INTS10: variants seen among roughly 807,000 people sequenced by gnomAD.
INTS10 encodes the protein integrator complex subunit 10, also known as chromosome 8 open reading frame 35.
Under a neutral mutation model 94.4 loss-of-function variants are expected in INTS10, and 44 were observed. That is an observed-to-expected ratio of 0.47 (90% CI 0.37 to 0.60). The LOEUF (loss-of-function observed/expected upper bound fraction) is 0.60. Among genes scored for constraint, INTS10 ranks in the 20% least tolerant of loss-of-function variants. INTS10 has a pLI of 0.00. For synonymous variants in INTS10, 341 were observed against 320.7 expected, an observed-to-expected ratio of 1.06 and a Z score of -0.68; for missense variants, 797 against 868.7, an observed-to-expected ratio of 0.92 and a Z score of 1.04.
At chr8:19,822,822 C>T (rs1184372944) in intron 5 of INTS10, among the ~76,000 whole-genome samples, 8 of 151,976 alleles carry the variant, frequency 5.3e-5, no homozygotes, top group South Asian at 2.1e-4. Flanking sequence ...TGGTGGCGCA[C>T]GCCTGTAGTC....
chr8:19,821,050 G>T (rs867949484), intron 4 of INTS10: 1 of 152,304 alleles, frequency 6.6e-6, no homozygotes, highest in African/African-American at 2.4e-5. Context: ...ACTTCCCATA[G>T]CCAGTGAGGT....
intron 16 of INTS10, among the ~76,000 whole-genome samples, chr8:19,850,959 A>C (rs1242282727): frequency 6.6e-6 from 1 of 152,114 alleles, no homozygotes; most frequent in Non-Finnish European, 1.5e-5. Flanking sequence ...AGGACCACGC[A>C]GTCCACTCCC....
chr8:19,822,948 CAAAA>C (rs150654357), intron 5 of INTS10, among the ~76,000 whole-genome samples: 2 of 119,184 alleles, frequency 1.7e-5, no homozygotes, highest in Admixed American at 8.2e-5. Context: ...GACTCTGTCT[CAAAA>C]AAAAAAAAAG....
In INTS10 at chr8:19,818,266, G is replaced by T; in HGVS notation, c.130-9G>T. 6.2e-7 allele frequency: 1 copy of T among 1,613,430 alleles called. No individual in the cohort carries two copies. Among genetic ancestry groups the T allele is most frequent in the African/African-American group, 1.3e-5 (1 of 75,068 alleles). ...GGTGAGTGACCAGGGTGCCTGATGT[G>T]TGTTGCAGTATGAGATGTACACCAT... is the stretch of plus-strand genomic sequence containing the variant. On this transcript the variant is annotated splice_polypyrimidine_tract_variant and intron_variant, in intron 1 of 16. Transcript: ENST00000397977.
At position 19,845,804 on chromosome 8, in the gene INTS10, A is replaced by C. The variant is rs574168596; in HGVS notation, c.1976+7A>C. 6.2e-7 allele frequency: 1 copy of C among 1,602,754 alleles called. No individual in the cohort carries two copies. Among genetic ancestry groups the C allele is most frequent in the Non-Finnish European group, 8.5e-7 (1 of 1,169,688 alleles). ...ATCAAGGAATGCTGATCAAGTAAGC[A>C]TGTTCTCTTTTGCTCTTCCATGCTG... On this transcript the variant is annotated splice_region_variant and intron_variant, in intron 16 of 16. Coordinates refer to ENST00000397977, the MANE Select transcript of INTS10 (RefSeq NM_018142.4).
rs753820814 is a variant in INTS10 at position 19,844,156 on chromosome 8, C to T, written c.1800C>T (p.Gly600=). 3.7e-5 allele frequency: 59 copies of T among 1,613,422 alleles called. No homozygotes were observed. The highest frequency in any genetic ancestry group is 3.3e-4 in the Middle Eastern group (2 of 6,084). ...IVLLQQEWPR[G]ENLFLKAVNK... ...TGCTTCAGCAAGAGTGGCCACGGGG[C>T]GAGAATCTTTTCCTGAAAGCTGTCA... Residue 600 remains glycine, a synonymous_variant, in exon 15 of 17, where the codon GGC becomes GGT. Transcript: ENST00000397977.
chr8:19,824,703 A>G, intron 7 of INTS10, 100 bp from the exon 8 acceptor site: 1 of 733,444 alleles, frequency 1.4e-6, no homozygotes, highest in Non-Finnish European at 2.2e-6. Flanking sequence ...GCCTAGGGCA[A>G]CATTTGGTAC....
At chr8:19,828,511 T>C (rs1358581793) in intron 9 of INTS10, among the ~76,000 whole-genome samples, 1 of 152,230 alleles carries the variant, frequency 6.6e-6, no homozygotes, top group East Asian at 1.9e-4. Flanking sequence ...AAAATCAGTT[T>C]CTTTAAATGT....
rs775294753 is a variant in INTS10 at position 19,819,680 on chromosome 8, A to C, written c.301+4A>C. 22 of 1,593,582 alleles carry C rather than the reference A, an allele frequency of 1.4e-5. No homozygotes were observed. In the South Asian group the frequency reaches 2.1e-4, roughly 15 times the overall value. ...AAACAAACCCAATTTTTAAGAAGTA[A>C]GAATAATGGTGTATAAGTTACCATT... On this transcript the variant is annotated splice_donor_region_variant and intron_variant, in intron 3 of 16. Transcript: ENST00000397977.
At chr8:19,845,667 T>C (rs756638009) in intron 15 of INTS10, 37 bp from the exon 16 acceptor site, 2 of 1,478,888 alleles carry the variant, frequency 1.4e-6, no homozygotes, top group Admixed American at 3.4e-5. Flanking sequence ...AACTAGCACC[T>C]TTTTTTACAT....
chr8:19,845,099 T>C (rs2068465178), intron 15 of INTS10, among the ~76,000 whole-genome samples: 1 of 152,094 alleles, frequency 6.6e-6, no homozygotes, highest in African/African-American at 2.4e-5. Flanking sequence ...GGGACAGATA[T>C]CTTTTGAGAA....
chr8:19,844,056 T>C lies in INTS10; in HGVS notation c.1720-20T>C, dbSNP rs1310355801. ...GTGACTTCCTTTTCCTTCTGTCTTGTATAAATCTTTGTCTTGCAGCTTAGA... is the reference window on the plus strand; with the variant it reads ...GTGACTTCCTTTTCCTTCTGTCTTGCATAAATCTTTGTCTTGCAGCTTAGA... On this transcript the variant is annotated intron_variant, in intron 14 of 16. Transcript: ENST00000397977. The C allele has an allele frequency of 6.4e-7, 1 of 1,570,654 alleles. No individual in the cohort carries two copies. Among genetic ancestry groups the C allele is most frequent in the South Asian group, 1.2e-5 (1 of 85,382 alleles).
At chr8:19,834,298 GT>G (rs1411321749) in intron 12 of INTS10, among the ~76,000 whole-genome samples, 1 of 152,054 alleles carries the variant, frequency 6.6e-6, no homozygotes, top group African/African-American at 2.4e-5. Context: ...ATCCCTAAAT[GT>G]TTTTTAACTT....
At chr8:19,848,934 G>A (rs896591796) in intron 16 of INTS10, 17 of 219,990 alleles carry the variant, frequency 7.7e-5, no homozygotes, top group Admixed American at 4.0e-4. Context: ...CTGGGACCAG[G>A]AACTGAGACG....
At position 19,822,556 on chromosome 8, in the gene INTS10, A is replaced by G. The variant is rs202102964; in HGVS notation, c.523+36A>G. 5 of 1,269,844 alleles carry G rather than the reference A, an allele frequency of 3.9e-6. No homozygotes were observed. In the African/African-American group the frequency reaches 7.3e-5, roughly 19 times the overall value. 78.7% of individuals were successfully genotyped at this position (1,269,844 alleles called of 1,614,324 possible). On this transcript the variant is annotated intron_variant, in intron 5 of 16. Transcript: ENST00000397977. ...TTGTATTCTCTATTACTTCTATGGTAAATTAATATGCTGGGGTAAGTGTTG... is the reference window on the plus strand; with the variant it reads ...TTGTATTCTCTATTACTTCTATGGTGAATTAATATGCTGGGGTAAGTGTTG...
chr8:19,823,376 A>G lies in INTS10; in HGVS notation c.599A>G (p.Asn200Ser). The G allele has an allele frequency of 6.2e-7, 1 of 1,605,942 alleles. No homozygotes were observed. Among genetic ancestry groups the G allele is most frequent in the Non-Finnish European group, 8.5e-7 (1 of 1,172,562 alleles). ...LPANLLYKYL[N>S]KAAEFYINYV... ...GCCAATTTATTGTATAAGTACTTGA[A>G]CAAAGCAGCTGAATTTTATATCAAT... is the stretch of plus-strand genomic sequence containing the variant. The change falls in exon 6 of 17, where the codon AAC (asparagine) becomes AGC (serine). Residue 200 changes from asparagine (N) to serine (S), a missense_variant. Around this residue, in one of 3 missense-constraint regions of INTS10, gnomAD observed 734 missense variants for 787.8 expected, o/e 0.93. Transcript: ENST00000397977.
Position 19,832,170 on chromosome 8 carries a change from C to T in INTS10, c.1377+60C>T. 3 of 912,646 alleles carry T rather than the reference C, an allele frequency of 3.3e-6. No individual in the cohort carries two copies. The Admixed American group carries it at 5.1e-5, about 16-fold the overall frequency. The allele number at this position is 912,646 out of a possible 1,614,324, so 56.5% of individuals were successfully genotyped here. ...TGTACAGCATGGCTATGGTGGCAAACCAGCTTTCCTATGCAGAATGTGTCA... is the reference window on the plus strand; with the variant it reads ...TGTACAGCATGGCTATGGTGGCAAATCAGCTTTCCTATGCAGAATGTGTCA... On this transcript the variant is annotated intron_variant, in intron 11 of 16. Transcript: ENST00000397977.
intron 8 of INTS10, among the ~76,000 whole-genome samples, chr8:19,825,223 C>T (rs577276398): frequency 6.6e-6 from 1 of 152,128 alleles, no homozygotes; most frequent in Non-Finnish European, 1.5e-5. Context: ...TATCAAATGC[C>T]ACTATTTTGA....
In INTS10 at chr8:19,837,036, G is replaced by A. The variant is rs1215353358; in HGVS notation, c.1531-16G>A. On this transcript the variant is annotated splice_polypyrimidine_tract_variant and intron_variant, in intron 12 of 16. Coordinates refer to ENST00000397977, the MANE Select transcript of INTS10 (RefSeq NM_018142.4). ...AAAGCTTCAAGTTAGTTCCTTTTTG[G>A]TCTTTTCTGCTTTAGATGACATGTG... 2.6e-6 allele frequency: 4 copies of A among 1,544,116 alleles called. No individual in the cohort carries two copies. The African/African-American group carries it at 4.1e-5, about 16-fold the overall frequency.
Sources: gnomAD v4.1 joint callset for allele counts (sites outside exome capture counted in the v4.1 genomes callset) on GRCh38, gnomAD v4.1.1 for gene constraint, gnomAD v4.1.1 regional missense constraint, MANE v1.5 for transcripts, NCBI Gene and HGNC (gene_info 2026-07-23, HGNC 2026-07-21) for gene names.